Variants in SPOCK1 observed in about 807,000 individuals in gnomAD.
The protein encoded by SPOCK1 is testican-1.
In SPOCK1, 23 loss-of-function variants were observed where a neutral mutation model predicts 55.3. The observed-to-expected ratio is 0.42, with a 90% CI of 0.30 to 0.59. SPOCK1 has a LOEUF of 0.59. SPOCK1 is among the 20% of genes least tolerant of loss of function. The pLI is 0.22. For missense variants in SPOCK1, 499 were observed against 552.5 expected (o/e 0.90, Z 0.97); for synonymous variants, 226 against 221.0 (o/e 1.02, Z -0.20).
At chr5:137,486,898 A>G (rs1241907825) in intron 2 of SPOCK1, among the ~76,000 whole-genome samples, 3 of 152,256 alleles carry the variant, frequency 2.0e-5, no homozygotes. Flanking sequence ...GTCCAGAGTC[A>G]TGACAAGGCT....
At chr5:137,197,635 T>C (rs1410390911) in intron 3 of SPOCK1, among the ~76,000 whole-genome samples, 1 of 152,220 alleles carries the variant, frequency 6.6e-6, no homozygotes, top group Non-Finnish European at 1.5e-5. Context: ...AAAAATTTTT[T>C]TAAGTTTCTT....
At chr5:137,157,660 A>T (rs1420708184) in intron 3 of SPOCK1, among the ~76,000 whole-genome samples, 3 of 152,194 alleles carry the variant, frequency 2.0e-5, no homozygotes, top group African/African-American at 7.2e-5. Flanking sequence ...ACTTGGTCCC[A>T]ATCCCATTCC....
intron 2 of SPOCK1, among the ~76,000 whole-genome samples, chr5:137,472,267 T>A (rs146768966): frequency 1.1e-3 from 160 of 151,920 alleles, no homozygotes; most frequent in African/African-American, 3.8e-3. Flanking sequence ...ACAGGAGCAA[T>A]CCCCATCACA....
At chr5:137,295,907 G>A (rs1757470175) in intron 2 of SPOCK1, among the ~76,000 whole-genome samples, 1 of 152,096 alleles carries the variant, frequency 6.6e-6, no homozygotes, top group Admixed American at 6.5e-5. Context: ...TCTTATTCCT[G>A]TTAAGAAGTT....
chr5:137,165,968 G>A (rs1387124585), intron 3 of SPOCK1, among the ~76,000 whole-genome samples: 2 of 152,122 alleles, frequency 1.3e-5, no homozygotes, highest in Non-Finnish European at 2.9e-5. Flanking sequence ...TAAAGAGGAC[G>A]TAGAGAAAGA....
At position 137,192,492 on chromosome 5, in the gene SPOCK1, G is replaced by T. The variant is rs146068084; in HGVS notation, c.233-51798C>A. Among the ~76,000 whole-genome samples, 1,448 of 152,254 alleles carry T rather than the reference G, an allele frequency of 9.5e-3. 32 individuals are homozygous for T. The highest frequency in any genetic ancestry group is 0.032 in the African/African-American group (1,344 of 41,536). On this transcript the variant is annotated intron_variant, in intron 3 of 10. Transcript: ENST00000394945. ...GCATGGAGTTAGCTTACATTAGAAG[G>T]ATTTTTCCCACTCCTGAGACTGCCT...
chr5:137,003,523 G>T (rs1751186333), intron 6 of SPOCK1, among the ~76,000 whole-genome samples: 1 of 152,046 alleles, frequency 6.6e-6, no homozygotes, highest in Non-Finnish European at 1.5e-5. Context: ...TCTGACAAAG[G>T]TAGCACCGCT....
At chr5:137,118,694 T>C (rs1306495691) in intron 4 of SPOCK1, among the ~76,000 whole-genome samples, 2 of 152,240 alleles carry the variant, frequency 1.3e-5, no homozygotes, top group South Asian at 2.1e-4. Context: ...ACAATCTGTG[T>C]CAAAAATATT....
rs187886307 is a variant in SPOCK1 at position 137,201,033 on chromosome 5, T to C, written c.233-60339A>G. 3.9e-3 allele frequency among the ~76,000 whole-genome samples: 598 copies of C among 152,316 alleles called. 3 individuals are homozygous for C. Among genetic ancestry groups the C allele is most frequent in the African/African-American group, 9.6e-3 (399 of 41,568 alleles). On this transcript the variant is annotated intron_variant, in intron 3 of 10. Transcript: ENST00000394945. ...CACTGGCATCTTTAGAATGTGGTTT[T>C]CTTGGGGAAAGAAAATAACAACAAA... is the stretch of plus-strand genomic sequence containing the variant.
chr5:137,294,289 T>C (rs1000358630), intron 2 of SPOCK1, among the ~76,000 whole-genome samples: 5 of 152,116 alleles, frequency 3.3e-5, no homozygotes, highest in Non-Finnish European at 5.9e-5. Context: ...CTACAGCAAT[T>C]TCCTATATTA....
chr5:137,196,923 G>A (rs961611888), intron 3 of SPOCK1, among the ~76,000 whole-genome samples: 1 of 152,210 alleles, frequency 6.6e-6, no homozygotes, highest in African/African-American at 2.4e-5. Flanking sequence ...AGTTTCATGA[G>A]AGGATCCATA....
intron 2 of SPOCK1, among the ~76,000 whole-genome samples, chr5:137,312,360 T>C (rs1757802714): frequency 6.6e-6 from 1 of 152,028 alleles, no homozygotes; most frequent in Admixed American, 6.5e-5. Flanking sequence ...ATCTGCTTGA[T>C]CTCATCCCCA....
At chr5:137,356,838 T>TATATATATAGAGAGAGAGAG (rs1554077335) in intron 2 of SPOCK1, among the ~76,000 whole-genome samples, 1 of 5,460 alleles carries the variant, frequency 1.8e-4, no homozygotes, top group Non-Finnish European at 3.1e-4. Flanking sequence ...TATATATATA[T>TATATATATAGAGAGAGAGAG]AGAGAGAGAG....
intron 6 of SPOCK1, among the ~76,000 whole-genome samples, chr5:137,008,398 G>T (rs534321370): frequency 6.6e-6 from 1 of 151,688 alleles, no homozygotes; most frequent in Non-Finnish European, 1.5e-5. Context: ...TCTGCCCTCA[G>T]ATTTCAGCAC....
At chr5:137,405,226 G>A (rs545728718) in intron 2 of SPOCK1, among the ~76,000 whole-genome samples, 1 of 152,318 alleles carries the variant, frequency 6.6e-6, no homozygotes, top group African/African-American at 2.4e-5. Context: ...TCAAGAAAGT[G>A]AAATCAACCT....
At chr5:137,036,585 T>C (rs1751889619) in intron 6 of SPOCK1, among the ~76,000 whole-genome samples, 1 of 152,160 alleles carries the variant, frequency 6.6e-6, no homozygotes, top group Admixed American at 6.5e-5. Context: ...AATGAGTAAA[T>C]CAATGAATGA....
At position 137,100,867 on chromosome 5, in the gene SPOCK1, C is replaced by T. The variant is rs567056448; in HGVS notation, c.474+11568G>A. Among the ~76,000 whole-genome samples the T allele has an allele frequency of 3.6e-4, 36 of 100,818 alleles. 1 individual carries two copies. In the East Asian group the frequency reaches 4.4e-3, roughly 12 times the overall value. The allele number at this position is 100,818 out of a possible 152,430, so 66.1% of individuals were successfully genotyped here. A position where few individuals can be genotyped will look rare whatever the true frequency, so the allele number is the denominator to read the frequency against. ...GATTCCCAAATGTTTCATTTGTTTC[C>T]GAAAGGGGAAAAAAAAAAAAAGAAA... On this transcript the variant is annotated intron_variant, in intron 5 of 10. Coordinates refer to ENST00000394945, the MANE Select transcript of SPOCK1 (RefSeq NM_004598.4).
chr5:137,153,229 T>C (rs780520385), intron 3 of SPOCK1, among the ~76,000 whole-genome samples: 2 of 152,230 alleles, frequency 1.3e-5, no homozygotes, highest in Non-Finnish European at 2.9e-5. Flanking sequence ...GTTCAGTTAA[T>C]GCTGAAAAAC....
At chr5:137,445,042 G>T (rs1392309539) in intron 2 of SPOCK1, among the ~76,000 whole-genome samples, 1 of 152,196 alleles carries the variant, frequency 6.6e-6, no homozygotes, top group African/African-American at 2.4e-5. Flanking sequence ...CCATGGAGGA[G>T]CCCACTACTA....
Sources: gnomAD v4.1 joint callset for allele counts (sites outside exome capture counted in the v4.1 genomes callset) on GRCh38, gnomAD v4.1.1 for gene constraint, MANE v1.5 for transcripts, NCBI Gene and HGNC (gene_info 2026-07-23, HGNC 2026-07-21) for gene names.